Variants in BCLAF1 observed in about 807,000 individuals in gnomAD.
BCLAF1 encodes bcl-2-associated transcription factor 1.
In BCLAF1, 10 loss-of-function variants were observed where a neutral mutation model predicts 99.5. The observed-to-expected ratio is 0.10, with a 90% CI of 0.06 to 0.17. The LOEUF (loss-of-function observed/expected upper bound fraction) is 0.17, where lower values mean the gene tolerates loss of function less well. Ranked by LOEUF, BCLAF1 falls within the 10% of genes least tolerant of loss-of-function variation. The pLI is 1.00. For synonymous variants in BCLAF1, 255 were observed against 370.9 expected (o/e 0.69, Z 3.59); for missense variants, 636 against 1,105.8 (o/e 0.58, Z 6.02).
intron 7 of BCLAF1, among the ~76,000 whole-genome samples, chr6:136,272,853 T>C (rs998343932): frequency 1.3e-5 from 2 of 151,970 alleles, no homozygotes; most frequent in Non-Finnish European, 2.9e-5. Flanking sequence ...TTTAATTCCA[T>C]ACTGCAAAGT....
rs180998508 is a variant in BCLAF1 at position 136,271,531 on chromosome 6, T to G, written c.2043+464A>C. 9.7e-3 allele frequency among the ~76,000 whole-genome samples: 1,481 copies of G among 152,038 alleles called. 9 individuals carry two copies. The highest frequency in any genetic ancestry group is 0.016 in the Non-Finnish European group (1,064 of 67,858). On this transcript the variant is annotated intron_variant, in intron 8 of 12. Coordinates refer to ENST00000531224, the MANE Select transcript of BCLAF1 (RefSeq NM_014739.3). ...AGTCTTTGTTCCAAACGTTCATTTG[T>G]AAACCAGTTCTTAGAATGCTTATTT...
intron 6 of BCLAF1, among the ~76,000 whole-genome samples, chr6:136,274,704 G>A (rs1180167833): frequency 6.6e-6 from 1 of 151,974 alleles, no homozygotes; most frequent in Non-Finnish European, 1.5e-5. Context: ...TCCTGAGAAA[G>A]AATATGTCTC....
At chr6:136,286,239 A>C (rs897410882) in intron 1 of BCLAF1, among the ~76,000 whole-genome samples, 20 of 152,218 alleles carry the variant, frequency 1.3e-4, no homozygotes, top group African/African-American at 3.9e-4. Context: ...TTTGGTCCCC[A>C]GATTGTTGTA....
Position 136,256,729 on chromosome 6 carries a change from TTC to T in BCLAF1, c.*4379_*4380del, listed in dbSNP as rs1295197371. The T allele has an allele frequency of 5.7e-5, 9 of 158,498 alleles. No homozygotes were observed. The highest frequency in any genetic ancestry group is 1.9e-4 in the African/African-American group (8 of 41,396). The allele number at this position is 158,498 out of a possible 1,614,324, so 9.8% of individuals were successfully genotyped here. ...TAAATAATTCAAAGTGCATTTAACA[TTC>T]TTTTTCACGGCCACCTTACAAGTAT... is the stretch of plus-strand genomic sequence containing the variant. On this transcript the variant is annotated 3_prime_UTR_variant, in exon 13 of 13. Transcript: ENST00000531224.
intron 10 of BCLAF1, 145 bp downstream of exon 10, chr6:136,268,017 A>C (rs989328558): frequency 1.3e-6 from 1 of 787,026 alleles, no homozygotes; most frequent in Non-Finnish European, 1.8e-6. Flanking sequence ...AGCACTTCAA[A>C]CACCACTTCA....
At chr6:136,261,524 G>C (rs777814865) in intron 11 of BCLAF1, 47 bp from the exon 12 acceptor site, 6 of 1,546,710 alleles carry the variant, frequency 3.9e-6, no homozygotes, top group East Asian at 2.2e-5. Context: ...TTCTTGTAAA[G>C]ATGATCATTT....
In BCLAF1 at chr6:136,259,014, A is replaced by C. The variant is rs1780660687; in HGVS notation, c.*2096T>G. The C allele has an allele frequency of 6.6e-6, 1 of 152,454 alleles. No homozygotes were observed. The highest frequency in any genetic ancestry group is 2.1e-4 in the South Asian group (1 of 4,832). The allele number at this position is 152,454 out of a possible 1,614,324, so 9.4% of individuals were successfully genotyped here. ...TATCCTTACCAAGAGGAACCATTCA[A>C]CTTTTATAATATCGTAAAGCGTGGA... On this transcript the variant is annotated 3_prime_UTR_variant, in exon 13 of 13. Transcript: ENST00000531224.
At chr6:136,265,781 G>C (rs981541768) in intron 11 of BCLAF1, among the ~76,000 whole-genome samples, 1 of 152,120 alleles carries the variant, frequency 6.6e-6, no homozygotes, top group African/African-American at 2.4e-5. Flanking sequence ...TTTGGGAAAA[G>C]TGAAAAGCCA....
Position 136,287,814 on chromosome 6 carries a change from G to T in BCLAF1, c.-115+1899C>A, listed in dbSNP as rs1419752746. Among the ~76,000 whole-genome samples, 4 of 152,226 alleles carry T rather than the reference G, an allele frequency of 2.6e-5. No homozygotes were observed. The South Asian group carries it at 8.3e-4, about 31-fold the overall frequency. On this transcript the variant is annotated intron_variant, in intron 1 of 12. Transcript: ENST00000531224. ...GGTGGGCCAGGCGAGTGGATCACCT[G>T]AGGTCAGGAGTTCGAGACCAATATT...
At chr6:136,285,216 A>G (rs1227787689) in intron 1 of BCLAF1, among the ~76,000 whole-genome samples, 3 of 152,216 alleles carry the variant, frequency 2.0e-5, no homozygotes, top group South Asian at 2.1e-4. Flanking sequence ...TGGCTGCTAT[A>G]TAAAAAATAA....
At chr6:136,265,722 A>G (rs1433527439) in intron 11 of BCLAF1, among the ~76,000 whole-genome samples, 1 of 152,146 alleles carries the variant, frequency 6.6e-6, no homozygotes, top group Admixed American at 6.5e-5. Flanking sequence ...TCCTCTACAA[A>G]AGTCTCTCCT....
At position 136,261,283 on chromosome 6, in the gene BCLAF1, G is replaced by C. The variant is rs773238687; in HGVS notation, c.2739C>G (p.Asp913Glu). ...TTTATACCTTTTCTTCCTTGCGTCTGTCCTTCTTTTCTTCATTATTTTCCA... is the reference window on the plus strand; with the variant it reads ...TTTATACCTTTTCTTCCTTGCGTCTCTCCTTCTTTTCTTCATTATTTTCCA... ...ETMENNEEKKDRRKEEKE is the reference protein window; with the variant it reads ...ETMENNEEKKERRKEEKE The change falls in exon 12 of 13, where the codon GAC becomes GAG. Residue 913 changes from aspartate to glutamate, a missense_variant. By Grantham distance (45) the Asp-to-Glu change is conservative. Around this residue, in one of 9 missense-constraint regions of BCLAF1, gnomAD observed 57 missense variants for 116.7 expected, o/e 0.49. Coordinates refer to ENST00000531224, the MANE Select transcript of BCLAF1 (RefSeq NM_014739.3). 6.2e-7 allele frequency: 1 copy of C among 1,613,426 alleles called. No homozygotes were observed. The highest frequency in any genetic ancestry group is 8.5e-7 in the Non-Finnish European group (1 of 1,179,772).
intron 9 of BCLAF1, 138 bp from the exon 10 acceptor site, chr6:136,268,477 TA>T: frequency 1.2e-6 from 1 of 800,430 alleles, no homozygotes; most frequent in East Asian, 2.7e-5. Context: ...AATTGGGTGT[TA>T]AACTTTGACA....
Position 136,267,018 on chromosome 6 carries a change from C to T in BCLAF1, c.2544+11G>A, listed in dbSNP as rs775176708. The T allele has an allele frequency of 6.2e-7, 1 of 1,612,408 alleles. No homozygotes were observed. Among genetic ancestry groups the T allele is most frequent in the South Asian group, 1.1e-5 (1 of 90,986 alleles). On this transcript the variant is annotated intron_variant, in intron 11 of 12. Coordinates refer to ENST00000531224, the MANE Select transcript of BCLAF1 (RefSeq NM_014739.3). ...ATGCAAACCAAATAAACACAGATGTCTAACACCCACCAAGAAGTACTTCTT... is the reference window on the plus strand; with the variant it reads ...ATGCAAACCAAATAAACACAGATGTTTAACACCCACCAAGAAGTACTTCTT...
rs1780791275 is a variant in BCLAF1 at position 136,260,192 on chromosome 6, T to C, written c.*918A>G. The C allele has an allele frequency of 6.6e-6, 1 of 152,182 alleles. No individual in the cohort carries two copies. Among genetic ancestry groups the C allele is most frequent in the East Asian group, 1.9e-4 (1 of 5,190 alleles). The allele number at this position is 152,182 out of a possible 1,614,324, so 9.4% of individuals were successfully genotyped here. The stretch of plus-strand genomic sequence containing the variant: ...TCAAATAAATATGTAAGATATGAAA[T>C]CAGGTACTAATGTATCAACTTATTC... On this transcript the variant is annotated 3_prime_UTR_variant, in exon 13 of 13. Transcript: ENST00000531224.
intron 8 of BCLAF1, chr6:136,270,227 T>C (rs534088431): frequency 1.3e-5 from 2 of 152,074 alleles, no homozygotes; most frequent in African/African-American, 2.4e-5. Context: ...GCCAGAAAGA[T>C]ATTCGCAATC....
Position 136,258,022 on chromosome 6 carries a change from G to A in BCLAF1, c.*3088C>T, listed in dbSNP as rs375424078. On this transcript the variant is annotated 3_prime_UTR_variant, in exon 13 of 13. Transcript: ENST00000531224. ...ACATGCATATGTATGTACACACAGA[G>A]TTATTTCTCTCACAGAATTTTTAAG... is the stretch of plus-strand genomic sequence containing the variant. 2 of 152,046 alleles carry A rather than the reference G, an allele frequency of 1.3e-5. No individual in the cohort carries two copies. The highest frequency in any genetic ancestry group is 2.9e-5 in the Non-Finnish European group (2 of 67,934). 9.4% of individuals were successfully genotyped at this position (152,046 alleles called of 1,614,324 possible). A position where few individuals can be genotyped will look rare whatever the true frequency, so the allele number is the denominator to read the frequency against.
rs1173234336 is a variant in BCLAF1, at chr6:136,283,178, CAAAAAA to C, written c.-114-497_-114-492del. Reference sequence around the variant, plus strand: ...TTGGCAACACAGCACGACCCCATCTCAAAAAAAAAAAAAAAAAAAAAAAAAAGGTAA... The same window carrying C: ...TTGGCAACACAGCACGACCCCATCTCAAAAAAAAAAAAAAAAAAAAGGTAA... On this transcript the variant is annotated intron_variant, in intron 1 of 12. Transcript: ENST00000531224. 3.1e-4 allele frequency among the ~76,000 whole-genome samples: 16 copies of C among 52,046 alleles called. No individual in the cohort carries two copies. The East Asian group carries it at 4.9e-3, about 16-fold the overall frequency. The allele number at this position is 52,046 out of a possible 152,430, so 34.1% of individuals were successfully genotyped here.
chr6:136,272,123 T>A (rs746399389), intron 7 of BCLAF1, 44 bp from the exon 8 acceptor site: 10 of 1,415,830 alleles, frequency 7.1e-6, no homozygotes, highest in Non-Finnish European at 8.7e-6. Context: ...TTATTAACTT[T>A]TTGGTTCAAA....
Sources: allele counts gnomAD v4.1 joint callset (sites outside exome capture counted in the v4.1 genomes callset), GRCh38; gene constraint gnomAD v4.1.1; regional missense constraint gnomAD v4.1.1; transcripts MANE v1.5; gene names NCBI Gene and HGNC (gene_info 2026-07-23, HGNC 2026-07-21).